Variants in TAFA5 observed in about 807,000 individuals in gnomAD.
The protein encoded by TAFA5 is chemokine-like protein TAFA-5.
TAFA5 carries 6 observed loss-of-function variants against 15.3 expected under a neutral mutation model. That is an observed-to-expected ratio of 0.39 (90% CI 0.21 to 0.77). TAFA5 has a LOEUF of 0.77. Ranked by LOEUF, TAFA5 falls within the 30% of genes least tolerant of loss-of-function variation. The pLI, the probability that TAFA5 is intolerant of heterozygous loss-of-function variation, is 0.41. For missense variants in TAFA5, 161 were observed against 193.1 expected, an observed-to-expected ratio of 0.83 and a Z score of 0.98; for synonymous variants, 103 against 80.7, an observed-to-expected ratio of 1.28 and a Z score of -1.48.
At chr22:48,544,514 C>T in intron 1 of TAFA5, 1 of 367,880 alleles carries the variant, frequency 2.7e-6, no homozygotes, top group East Asian at 7.4e-5. Flanking sequence ...CTAATCTGGG[C>T]TTTTTTCAAA....
At chr22:48,510,470 A>C (rs1283795165) in intron 1 of TAFA5, among the ~76,000 whole-genome samples, 1 of 152,252 alleles carries the variant, frequency 6.6e-6, no homozygotes, top group African/African-American at 2.4e-5. Flanking sequence ...TTGTTTTGGA[A>C]AACAGACTGG....
chr22:48,553,535 A>G (rs1033055328), intron 1 of TAFA5, among the ~76,000 whole-genome samples: 1 of 152,154 alleles, frequency 6.6e-6, no homozygotes, highest in Admixed American at 6.5e-5. Flanking sequence ...GGAGAGGGTG[A>G]GGAGGCGTCC....
chr22:48,641,723 G>A (rs543216166), intron 1 of TAFA5, among the ~76,000 whole-genome samples: 97 of 151,366 alleles, frequency 6.4e-4, no homozygotes, highest in African/African-American at 2.2e-3. Context: ...GGAGGCCCCC[G>A]GTCCAGGCCA....
chr22:48,711,821 G>A (rs1343323902), intron 3 of TAFA5, among the ~76,000 whole-genome samples: 9 of 152,136 alleles, frequency 5.9e-5, no homozygotes, highest in Admixed American at 1.3e-4. Context: ...CCAGCTGCGC[G>A]CCACCATCGC....
At chr22:48,644,986 C>T (rs1386402546) in intron 1 of TAFA5, among the ~76,000 whole-genome samples, 1 of 152,256 alleles carries the variant, frequency 6.6e-6, no homozygotes, top group African/African-American at 2.4e-5. Flanking sequence ...GCCATCTCCC[C>T]CAGCTGGAAG....
rs369276906 is a variant in TAFA5 at position 48,661,818 on chromosome 22, G to A, written c.262+15072G>A. ...CACAAGTCTGCAGAAATGAACTGGG[G>A]GCCTGGGAGCCTGGGAGCCTGCAGA... On this transcript the variant is annotated intron_variant, in intron 2 of 3. Transcript: ENST00000402357. Among the ~76,000 whole-genome samples the A allele has an allele frequency of 2.6e-5, 4 of 152,332 alleles. No individual in the cohort carries two copies. The South Asian group carries it at 8.3e-4, about 32-fold the overall frequency.
At chr22:48,639,990 TC>T (rs1248549171) in intron 1 of TAFA5, among the ~76,000 whole-genome samples, 1 of 152,206 alleles carries the variant, frequency 6.6e-6, no homozygotes, top group Non-Finnish European at 1.5e-5. Context: ...GTGAGCTGTT[TC>T]TGTAAAGTTT....
Position 48,492,194 on chromosome 22 carries a change from A to G in TAFA5, c.112+2490A>G, listed in dbSNP as rs1928178986. The stretch of plus-strand genomic sequence containing the variant: ...AAATTAAACAGTTCCTAGGATTTTC[A>G]TTCTTTCTTCCAATAGATCTGGGAT... On this transcript the variant is annotated intron_variant, in intron 1 of 3. Coordinates refer to ENST00000402357, the MANE Select transcript of TAFA5 (RefSeq NM_001082967.3). Among the ~76,000 whole-genome samples, 5 of 151,458 alleles carry G rather than the reference A, an allele frequency of 3.3e-5. No individual in the cohort carries two copies. The South Asian group carries it at 1.1e-3, about 32-fold the overall frequency.
chr22:48,572,453 C>T (rs934565200), intron 1 of TAFA5, among the ~76,000 whole-genome samples: 1 of 152,236 alleles, frequency 6.6e-6, no homozygotes, highest in African/African-American at 2.4e-5. Context: ...ACCCTAGGGA[C>T]AGGTGTTTTT....
intron 1 of TAFA5, among the ~76,000 whole-genome samples, chr22:48,634,120 G>A (rs2337485): frequency 4.7e-4 from 71 of 150,854 alleles, no homozygotes; most frequent in Middle Eastern, 3.4e-3. Context: ...TCACTCACTC[G>A]CTCACTCACT....
chr22:48,542,282 G>GA (rs1922426854), intron 1 of TAFA5, among the ~76,000 whole-genome samples: 1 of 114,368 alleles, frequency 8.7e-6, no homozygotes, highest in African/African-American at 2.8e-5. Context: ...TGTGGGGGGT[G>GA]TGTGTGCATG....
At chr22:48,581,300 C>G (rs1037707195) in intron 1 of TAFA5, among the ~76,000 whole-genome samples, 2 of 152,192 alleles carry the variant, frequency 1.3e-5, no homozygotes, top group Non-Finnish European at 1.5e-5. Context: ...CGAGCCAGTC[C>G]CTGCCGAGGG....
intron 1 of TAFA5, among the ~76,000 whole-genome samples, chr22:48,542,129 T>C (rs1353516252): frequency 2.9e-5 from 4 of 137,252 alleles, no homozygotes; most frequent in Admixed American, 2.9e-4. Flanking sequence ...GTGGTGTGTG[T>C]GATGTGTATG....
intron 1 of TAFA5, among the ~76,000 whole-genome samples, chr22:48,539,980 G>T (rs966814975): frequency 3.3e-5 from 5 of 152,102 alleles, no homozygotes; most frequent in African/African-American, 1.2e-4. Flanking sequence ...GAAAACCGGG[G>T]TCTGGCAGAG....
intron 1 of TAFA5, among the ~76,000 whole-genome samples, chr22:48,623,319 A>ACGGTGACCTGTGGGACGGGACG (rs1925911848): frequency 2.4e-5 from 1 of 42,212 alleles, no homozygotes; most frequent in Non-Finnish European, 4.9e-5. Context: ...GGGACGGGAC[A>ACGGTGACCTGTGGGACGGGACG]TGTCGCGTGG....
At chr22:48,714,688 A>G (rs1317246656) in intron 3 of TAFA5, among the ~76,000 whole-genome samples, 2 of 152,250 alleles carry the variant, frequency 1.3e-5, no homozygotes, top group Non-Finnish European at 2.9e-5. Flanking sequence ...GTCAAGAGAC[A>G]GGAGGCTTCT....
intron 2 of TAFA5, among the ~76,000 whole-genome samples, chr22:48,676,049 A>C (rs1005525792): frequency 1.3e-5 from 2 of 152,056 alleles, no homozygotes; most frequent in African/African-American, 4.8e-5. Flanking sequence ...TGGCTGGACC[A>C]TTTGAGGCTT....
chr22:48,580,489 C>A (rs1923995172), intron 1 of TAFA5, among the ~76,000 whole-genome samples: 1 of 152,180 alleles, frequency 6.6e-6, no homozygotes, highest in Admixed American at 6.5e-5. Flanking sequence ...GCCATTCTGT[C>A]CCAGAGGCAT....
intron 2 of TAFA5, among the ~76,000 whole-genome samples, chr22:48,705,830 A>G (rs923701131): frequency 3.3e-5 from 5 of 152,248 alleles, no homozygotes; most frequent in African/African-American, 1.2e-4. Context: ...TGTAGTTGTC[A>G]TATCCTTCCT....
Sources: gnomAD v4.1 joint callset for allele counts (sites outside exome capture counted in the v4.1 genomes callset) on GRCh38, gnomAD v4.1.1 for gene constraint, MANE v1.5 for transcripts, NCBI Gene and HGNC (gene_info 2026-07-23, HGNC 2026-07-21) for gene names.